The following CNBD1 variants were observed in gnomAD, a reference collection of about 807,000 sequenced individuals.
The protein encoded by CNBD1 is cyclic nucleotide binding domain containing 1.
In CNBD1, 71 loss-of-function variants were observed where a neutral mutation model predicts 54.4. The observed-to-expected ratio is 1.30, with a 90% CI of 1.08 to 1.59. The LOEUF is 1.59. Among genes scored for constraint, CNBD1 ranks in the 40% most tolerant of loss-of-function variants. CNBD1 has a pLI of 0.00. For missense variants in CNBD1, 659 were observed against 518.0 expected (o/e 1.27, Z -2.64); for synonymous variants, 182 against 170.7 (o/e 1.07, Z -0.51).
chr8:87,258,381 T>A (rs985781897), intron 6 of CNBD1, among the ~76,000 whole-genome samples: 2 of 152,080 alleles, frequency 1.3e-5, no homozygotes, highest in African/African-American at 2.4e-5. Context: ...TATTTGTGTG[T>A]GTAGTGTATT....
chr8:86,934,488 TTA>T (rs1253092963), intron 3 of CNBD1, among the ~76,000 whole-genome samples: 10 of 152,192 alleles, frequency 6.6e-5, no homozygotes, highest in African/African-American at 2.4e-4. Context: ...CATTTTGTAG[TTA>T]TTTTAATTTT....
intron 8 of CNBD1, among the ~76,000 whole-genome samples, chr8:87,309,576 C>T (rs55934851): frequency 0.057 from 8,707 of 152,058 alleles, 814 homozygotes; most frequent in African/African-American, 0.2. Flanking sequence ...TCAAGACTTA[C>T]GATAAGAAAA....
intron 2 of CNBD1, among the ~76,000 whole-genome samples, chr8:87,389,468 G>C (rs1811263465): frequency 6.6e-6 from 1 of 152,088 alleles, no homozygotes; most frequent in Non-Finnish European, 1.5e-5. Flanking sequence ...CAGACAAACA[G>C]AGAGCCAAAT....
chr8:86,941,168 C>A (rs974415222), intron 4 of CNBD1, among the ~76,000 whole-genome samples: 2 of 152,026 alleles, frequency 1.3e-5, no homozygotes, highest in African/African-American at 4.8e-5. Context: ...AAAAAGGAAA[C>A]AATGAATACT....
At chr8:87,158,864 C>T (rs1359294887) in intron 4 of CNBD1, among the ~76,000 whole-genome samples, 5 of 152,166 alleles carry the variant, frequency 3.3e-5, no homozygotes, top group Non-Finnish European at 7.4e-5. Context: ...TTTTAATGCA[C>T]ACTTTTTATT....
intron 8 of CNBD1, among the ~76,000 whole-genome samples, chr8:87,298,066 C>T (rs942466821): frequency 6.6e-6 from 1 of 151,564 alleles, no homozygotes; most frequent in Non-Finnish European, 1.5e-5. Flanking sequence ...ATTTTAAATA[C>T]ATCAGGAAAC....
intron 8 of CNBD1, among the ~76,000 whole-genome samples, chr8:87,310,648 G>A (rs1809245606): frequency 6.6e-6 from 1 of 151,974 alleles, no homozygotes; most frequent in South Asian, 2.1e-4. Context: ...AAATTTATGT[G>A]GAGCTAAAAA....
chr8:87,253,358 T>A (rs1444238493), intron 6 of CNBD1, among the ~76,000 whole-genome samples: 1 of 152,056 alleles, frequency 6.6e-6, no homozygotes, highest in Non-Finnish European at 1.5e-5. Flanking sequence ...TTCCCTGGCA[T>A]CCTCTGCAGA....
intron 4 of CNBD1, among the ~76,000 whole-genome samples, chr8:86,968,477 A>C (rs1052000251): frequency 6.6e-6 from 1 of 152,176 alleles, no homozygotes; most frequent in African/African-American, 2.4e-5. Context: ...TTTACTTTGT[A>C]AATCAAAGAG....
At position 87,273,950 on chromosome 8, in the gene CNBD1, G is replaced by A. The variant is rs1479739318; in HGVS notation, c.772-10728G>A. On this transcript the variant is annotated intron_variant, in intron 6 of 10. Coordinates refer to ENST00000518476, the MANE Select transcript of CNBD1 (RefSeq NM_173538.3). ...CCCCCACCCCACAACAGTCCCCAGA[G>A]TGATGTTCCCCTTCCTGTGTCCATG... 3.2e-5 allele frequency among the ~76,000 whole-genome samples: 4 copies of A among 126,686 alleles called. 1 individual carries two copies. 83.1% of individuals were successfully genotyped at this position (126,686 alleles called of 152,430 possible).
At chr8:86,925,498 T>A (rs1290955157) in intron 3 of CNBD1, among the ~76,000 whole-genome samples, 3 of 129,142 alleles carry the variant, frequency 2.3e-5, no homozygotes, top group African/African-American at 7.7e-5. Context: ...TGTGTGTGTG[T>A]GTGTGTGTGT....
chr8:87,368,313 C>A (rs1810686037), intron 10 of CNBD1, among the ~76,000 whole-genome samples: 2 of 151,922 alleles, frequency 1.3e-5, no homozygotes, highest in Non-Finnish European at 1.5e-5. Context: ...TTTGGAAGGG[C>A]AGACTAGAGT....
chr8:87,061,538 G>T (rs561699580), intron 4 of CNBD1, among the ~76,000 whole-genome samples: 1 of 152,276 alleles, frequency 6.6e-6, no homozygotes, highest in Non-Finnish European at 1.5e-5. Flanking sequence ...TGTGTGAATT[G>T]TTTTAATGGC....
At chr8:87,423,961 A>G (rs1201937304) in intron 2 of CNBD1, among the ~76,000 whole-genome samples, 1 of 152,104 alleles carries the variant, frequency 6.6e-6, no homozygotes, top group Non-Finnish European at 1.5e-5. Context: ...AGCTCCTGTT[A>G]TTGGTCTATT....
intron 4 of CNBD1, among the ~76,000 whole-genome samples, chr8:87,023,016 TATC>T (rs1215197423): frequency 6.6e-6 from 1 of 152,168 alleles, no homozygotes. Flanking sequence ...TGGATATTAT[TATC>T]ATCATTATAT....
chr8:87,320,307 GTGA>G lies in CNBD1; in HGVS notation c.1043-31376_1043-31374del, dbSNP rs1219174442. 2.0e-5 allele frequency among the ~76,000 whole-genome samples: 3 copies of G among 152,144 alleles called. No individual in the cohort carries two copies. In the East Asian group the frequency reaches 5.8e-4, roughly 29 times the overall value. ...CATCCTAATCACTTAATTACATTAA[GTGA>G]TTTACTTTTGTTTCTACAGTTTAGT... On this transcript the variant is annotated intron_variant, in intron 8 of 10. Coordinates refer to ENST00000518476, the MANE Select transcript of CNBD1 (RefSeq NM_173538.3).
intron 6 of CNBD1, among the ~76,000 whole-genome samples, chr8:87,243,223 G>A (rs1243237476): frequency 3.3e-5 from 5 of 152,200 alleles, no homozygotes; most frequent in Non-Finnish European, 7.3e-5. Flanking sequence ...TTGATAAATG[G>A]TGGATCCAAC....
intron 8 of CNBD1, among the ~76,000 whole-genome samples, chr8:87,345,172 C>A (rs1810144690): frequency 6.6e-6 from 1 of 152,132 alleles, no homozygotes; most frequent in Non-Finnish European, 1.5e-5. Context: ...CTTTCCCTAG[C>A]ACACAATATC....
At chr8:87,369,295 C>A (rs1399781951) in intron 10 of CNBD1, among the ~76,000 whole-genome samples, 1 of 151,900 alleles carries the variant, frequency 6.6e-6, no homozygotes, top group Non-Finnish European at 1.5e-5. Flanking sequence ...TCAATTCTAC[C>A]ATTCCGTACA....
Sources: allele counts gnomAD v4.1 joint callset (sites outside exome capture counted in the v4.1 genomes callset), GRCh38; gene constraint gnomAD v4.1.1; transcripts MANE v1.5; gene names NCBI Gene and HGNC (gene_info 2026-07-23, HGNC 2026-07-21).